CNTNAP2: variants seen among roughly 807,000 people sequenced by gnomAD.
The protein encoded by CNTNAP2 is contactin associated protein 2.
A neutral mutation model predicts 155.2 loss-of-function variants in CNTNAP2; 98 were observed. The ratio of observed to expected loss-of-function variants is 0.63; its 90% CI spans 0.54 to 0.75. The LOEUF (loss-of-function observed/expected upper bound fraction) is 0.75. Among genes scored for constraint, CNTNAP2 ranks in the 30% least tolerant of loss-of-function variants. The probability of loss-of-function intolerance (pLI) is 0.00; values close to 1 mark genes in which losing one functional copy is unlikely to be tolerated. For missense variants in CNTNAP2, 1,727 were observed against 1,688.1 expected (o/e 1.02, Z -0.40); for synonymous variants, 651 against 631.2 (o/e 1.03, Z -0.47).
chr7:147,155,600 C>T (rs569482088), intron 8 of CNTNAP2, among the ~76,000 whole-genome samples: 63 of 152,118 alleles, frequency 4.1e-4, no homozygotes, highest in African/African-American at 1.2e-3. Flanking sequence ...AAATGGAAGA[C>T]GAGCCATTGG....
At chr7:148,118,057 G>T (rs914253651) in intron 15 of CNTNAP2, 61 bp from the exon 16 acceptor site, 2 of 1,572,510 alleles carry the variant, frequency 1.3e-6, no homozygotes, top group South Asian at 1.1e-5. Flanking sequence ...ATGGGTATCT[G>T]TTACATGACT....
intron 11 of CNTNAP2, among the ~76,000 whole-genome samples, chr7:147,504,939 TG>T (rs1798881134): frequency 6.6e-6 from 1 of 151,820 alleles, no homozygotes; most frequent in Non-Finnish European, 1.5e-5. Flanking sequence ...CACACACACA[TG>T]CACACACACA....
chr7:148,364,254 G>C (rs1270551049), intron 21 of CNTNAP2, among the ~76,000 whole-genome samples: 2 of 152,264 alleles, frequency 1.3e-5, no homozygotes, highest in East Asian at 1.9e-4. Context: ...GATCCACTAG[G>C]TGAAGCCAGC....
intron 3 of CNTNAP2, among the ~76,000 whole-genome samples, chr7:146,968,679 T>C (rs1329724169): frequency 3.9e-5 from 6 of 151,968 alleles, no homozygotes; most frequent in African/African-American, 1.5e-4. Flanking sequence ...TTTTTTATTG[T>C]GTCTATTTAA....
chr7:146,651,181 C>A (rs920503187), intron 1 of CNTNAP2, among the ~76,000 whole-genome samples: 1 of 151,976 alleles, frequency 6.6e-6, no homozygotes, highest in Non-Finnish European at 1.5e-5. Context: ...TGAAAAATTG[C>A]GTATTTTTTT....
At chr7:146,757,062 A>T (rs1234978915) in intron 1 of CNTNAP2, among the ~76,000 whole-genome samples, 2 of 152,100 alleles carry the variant, frequency 1.3e-5, no homozygotes, top group African/African-American at 4.8e-5. Flanking sequence ...TAATATGAAC[A>T]TTTCGAGTCA....
At chr7:148,106,018 A>C (rs1804209667) in intron 15 of CNTNAP2, among the ~76,000 whole-genome samples, 1 of 152,218 alleles carries the variant, frequency 6.6e-6, no homozygotes, top group Admixed American at 6.5e-5. Context: ...GAGCCAAGGC[A>C]GCAGAAGGAA....
intron 1 of CNTNAP2, among the ~76,000 whole-genome samples, chr7:146,334,272 A>T (rs142265535): frequency 0.029 from 4,338 of 152,210 alleles, 214 homozygotes; most frequent in African/African-American, 0.098. Flanking sequence ...TCTACTAAAA[A>T]TACCAAAAAT....
intron 13 of CNTNAP2, among the ~76,000 whole-genome samples, chr7:147,778,176 T>G (rs778955942): frequency 6.6e-6 from 1 of 152,248 alleles, no homozygotes; most frequent in Admixed American, 6.5e-5. Context: ...AATTTTCTTA[T>G]AGCCTTTTGA....
At chr7:147,482,843 C>T (rs956940616) in intron 10 of CNTNAP2, among the ~76,000 whole-genome samples, 2 of 152,090 alleles carry the variant, frequency 1.3e-5, no homozygotes, top group Middle Eastern at 3.4e-3. Flanking sequence ...GTCCGGAGTT[C>T]GGCACCAGCC....
At chr7:147,125,651 A>G (rs1801217923) in intron 6 of CNTNAP2, among the ~76,000 whole-genome samples, 4 of 152,192 alleles carry the variant, frequency 2.6e-5, no homozygotes, top group African/African-American at 9.7e-5. Context: ...AGAACCACAG[A>G]CTGCCTAGGA....
chr7:146,503,014 T>G (rs978465652), intron 1 of CNTNAP2, among the ~76,000 whole-genome samples: 2 of 152,242 alleles, frequency 1.3e-5, no homozygotes, highest in Non-Finnish European at 1.5e-5. Context: ...TTGAGAAATT[T>G]CTAGTCAGAT....
chr7:146,361,858 T>C (rs2372491), intron 1 of CNTNAP2, among the ~76,000 whole-genome samples: 72,542 of 152,074 alleles, frequency 0.48, 20,140 homozygotes, highest in African/African-American at 0.77. Flanking sequence ...CAGTACTGCA[T>C]ATTTGAAGTT....
At chr7:148,384,053 G>A (rs1319215162) in intron 22 of CNTNAP2, among the ~76,000 whole-genome samples, 165 bp downstream of exon 22, 1 of 152,202 alleles carries the variant, frequency 6.6e-6, no homozygotes, top group African/African-American at 2.4e-5. Flanking sequence ...GCAGCACTTA[G>A]CACATCTGAA....
intron 15 of CNTNAP2, among the ~76,000 whole-genome samples, chr7:148,060,285 G>A (rs1243988743): frequency 6.6e-6 from 1 of 151,942 alleles, no homozygotes; most frequent in East Asian, 1.9e-4. Context: ...TTTTTTCTCA[G>A]TAGTAATAAT....
intron 4 of CNTNAP2, among the ~76,000 whole-genome samples, chr7:147,104,074 A>G (rs866252074): frequency 3.9e-5 from 6 of 152,188 alleles, no homozygotes; most frequent in Middle Eastern, 3.4e-3. Flanking sequence ...ATTTGAGTGA[A>G]TGCCACTTAA....
At chr7:147,766,309 A>G (rs1348807925) in intron 13 of CNTNAP2, among the ~76,000 whole-genome samples, 3 of 152,222 alleles carry the variant, frequency 2.0e-5, no homozygotes, top group African/African-American at 7.2e-5. Context: ...ATAGACTTTT[A>G]AAATATATTC....
At chr7:146,687,571 A>T (rs1463705492) in intron 1 of CNTNAP2, among the ~76,000 whole-genome samples, 1 of 142,746 alleles carries the variant, frequency 7.0e-6, no homozygotes, top group South Asian at 2.6e-4. Flanking sequence ...TGAATTTTTA[A>T]TACATGGATG....
intron 1 of CNTNAP2, among the ~76,000 whole-genome samples, chr7:146,218,161 T>C (rs1026029762): frequency 6.6e-6 from 1 of 152,088 alleles, no homozygotes; most frequent in Non-Finnish European, 1.5e-5. Flanking sequence ...AGTTCAAACG[T>C]TGTGCACAAG....
Sources: allele counts gnomAD v4.1 joint callset (sites outside exome capture counted in the v4.1 genomes callset), GRCh38; gene constraint gnomAD v4.1.1; transcripts MANE v1.5; gene names NCBI Gene and HGNC (gene_info 2026-07-23, HGNC 2026-07-21).